Variants in TYW1 observed in about 807,000 individuals in gnomAD.
TYW1 encodes tRNA-yW synthesizing protein 1 homolog.
TYW1 carries 46 observed loss-of-function variants against 96.2 expected under a neutral mutation model. That is an observed-to-expected ratio of 0.48 (90% confidence interval 0.38 to 0.61). The LOEUF is 0.61. Among genes scored for constraint, TYW1 ranks in the 20% least tolerant of loss-of-function variants. The pLI, the probability that TYW1 is intolerant of heterozygous loss-of-function variation, is 0.00. For missense variants in TYW1, 684 were observed against 909.6 expected (o/e 0.75, Z 3.19); for synonymous variants, 274 against 323.0 (o/e 0.85, Z 1.63).
intron 15 of TYW1, among the ~76,000 whole-genome samples, chr7:67,226,024 C>A (rs1801550721): frequency 6.6e-6 from 1 of 150,844 alleles, no homozygotes; most frequent in Non-Finnish European, 1.5e-5. Flanking sequence ...CCAGCAAGAA[C>A]AAATTTTGGT....
chr7:67,118,529 C>G (rs970702117), intron 13 of TYW1, among the ~76,000 whole-genome samples: 3 of 151,462 alleles, frequency 2.0e-5, no homozygotes, highest in African/African-American at 7.3e-5. Context: ...TATTTTTCAT[C>G]CATGGTTGGT....
At chr7:67,236,556 C>A (rs1245801433) in intron 15 of TYW1, among the ~76,000 whole-genome samples, 1 of 152,190 alleles carries the variant, frequency 6.6e-6, no homozygotes, top group Non-Finnish European at 1.5e-5. Flanking sequence ...CAGTAGACAA[C>A]ACTTCAGGGA....
At chr7:67,124,712 T>C (rs1469695481) in intron 13 of TYW1, among the ~76,000 whole-genome samples, 1 of 152,244 alleles carries the variant, frequency 6.6e-6, no homozygotes, top group Non-Finnish European at 1.5e-5. Context: ...AATATTATAA[T>C]AACATTCAAC....
intron 12 of TYW1, among the ~76,000 whole-genome samples, chr7:67,103,846 C>T (rs1797162221): frequency 6.6e-6 from 1 of 152,094 alleles, no homozygotes. Context: ...CCTCTTGCAG[C>T]CATGTCATCT....
At chr7:67,015,351 A>T (rs117177664) in intron 5 of TYW1, among the ~76,000 whole-genome samples, 6,338 of 151,932 alleles carry the variant, frequency 0.042, 192 homozygotes, top group Middle Eastern at 0.11. Context: ...ATTTTTTTTT[A>T]AAATTATGTT....
At chr7:67,068,543 C>A (rs1218436363) in intron 10 of TYW1, among the ~76,000 whole-genome samples, 2 of 152,188 alleles carry the variant, frequency 1.3e-5, no homozygotes, top group Non-Finnish European at 2.9e-5. Flanking sequence ...TTCAGAGATA[C>A]CAGTCTCTTC....
At chr7:67,089,108 C>T (rs1796635292) in intron 11 of TYW1, 6 of 406,182 alleles carry the variant, frequency 1.5e-5, no homozygotes, top group Non-Finnish European at 2.6e-5. Flanking sequence ...TCTTTTTTAA[C>T]AAATAGCCCC....
chr7:67,075,068 C>G (rs1169328901), intron 10 of TYW1, among the ~76,000 whole-genome samples: 1 of 152,146 alleles, frequency 6.6e-6, no homozygotes, highest in Non-Finnish European at 1.5e-5. Context: ...TAAACTACAA[C>G]ATGATGTACA....
intron 13 of TYW1, among the ~76,000 whole-genome samples, chr7:67,144,757 A>C (rs1374377305): frequency 6.6e-6 from 1 of 152,146 alleles, no homozygotes; most frequent in Non-Finnish European, 1.5e-5. Flanking sequence ...GGCGTGAGCC[A>C]CCGGGCCTGG....
At chr7:67,146,168 T>G (rs1798606296) in intron 13 of TYW1, among the ~76,000 whole-genome samples, 1 of 152,214 alleles carries the variant, frequency 6.6e-6, no homozygotes. Context: ...ATCTCCTTTG[T>G]AACATAAGTA....
intron 15 of TYW1, among the ~76,000 whole-genome samples, chr7:67,200,629 A>G (rs1265500393): frequency 6.6e-6 from 1 of 152,190 alleles, no homozygotes; most frequent in Non-Finnish European, 1.5e-5. Context: ...GGGTGGGGAC[A>G]CAGTCAAACC....
At chr7:67,049,211 T>C (rs1466886516) in intron 7 of TYW1, among the ~76,000 whole-genome samples, 2 of 152,206 alleles carry the variant, frequency 1.3e-5, no homozygotes, top group East Asian at 1.9e-4. Context: ...TGTGATTTTA[T>C]TGCATTTAAC....
intron 10 of TYW1, among the ~76,000 whole-genome samples, chr7:67,074,225 C>T (rs188462050): frequency 7.4e-4 from 112 of 152,268 alleles, no homozygotes; most frequent in Non-Finnish European, 1.2e-3. Context: ...ATTGGGATCA[C>T]ATCATACTTA....
chr7:67,058,723 G>C (rs1329549341), intron 9 of TYW1, among the ~76,000 whole-genome samples: 4 of 151,984 alleles, frequency 2.6e-5, no homozygotes, highest in Non-Finnish European at 4.4e-5. Flanking sequence ...TGATCTGCCT[G>C]CCTTGGCCTC....
At chr7:67,236,812 C>T (rs1176543987) in intron 15 of TYW1, among the ~76,000 whole-genome samples, 1 of 147,158 alleles carries the variant, frequency 6.8e-6, no homozygotes. Context: ...AATTCAGGAA[C>T]CTATGTATTT....
intron 15 of TYW1, among the ~76,000 whole-genome samples, chr7:67,218,557 T>C (rs528929080): frequency 1.1e-4 from 16 of 152,258 alleles, no homozygotes; most frequent in Admixed American, 2.0e-4. Context: ...TTTACCATGT[T>C]GACCAGACTT....
rs55931505 is a variant in TYW1 at position 67,079,171 on chromosome 7, G to GGTGTGTGTGTGTGT, written c.1275-4242_1275-4229dup. ...TAGTTTGAAAAGTATTCGTGTGAGA[G>GGTGTGTGTGTGTGT]GTGTGTGTGTGTGTGTGTGTGTGTG... On this transcript the variant is annotated intron_variant, in intron 10 of 15. Coordinates refer to ENST00000359626, the MANE Select transcript of TYW1 (RefSeq NM_018264.4). 3.0e-4 allele frequency among the ~76,000 whole-genome samples: 45 copies of GGTGTGTGTGTGTGT among 148,906 alleles called. No individual in the cohort carries two copies. In the South Asian group the frequency reaches 4.5e-3, roughly 15 times the overall value.
At chr7:67,204,360 C>T (rs1450299963) in intron 15 of TYW1, among the ~76,000 whole-genome samples, 10 of 151,962 alleles carry the variant, frequency 6.6e-5, no homozygotes, top group South Asian at 4.1e-4. Flanking sequence ...TGTCTTTTTA[C>T]TCTTCCATTC....
At chr7:67,096,889 C>T (rs1187283971) in intron 11 of TYW1, among the ~76,000 whole-genome samples, 2 of 152,124 alleles carry the variant, frequency 1.3e-5, no homozygotes, top group African/African-American at 4.8e-5. Context: ...CTTGTAATGC[C>T]TTCTACATTG....
Sources: gnomAD v4.1 joint callset for allele counts (sites outside exome capture counted in the v4.1 genomes callset) on GRCh38, gnomAD v4.1.1 for gene constraint, MANE v1.5 for transcripts, NCBI Gene and HGNC (gene_info 2026-07-23, HGNC 2026-07-21) for gene names.